Variants in GUCY1A1 observed in about 807,000 individuals in gnomAD.
GUCY1A1 encodes guanylate cyclase soluble subunit alpha-1.
Under a neutral mutation model 64.5 loss-of-function variants are expected in GUCY1A1, and 48 were observed. That is an observed-to-expected ratio of 0.74 (90% CI 0.59 to 0.95). The LOEUF (loss-of-function observed/expected upper bound fraction) is 0.95. Among genes scored for constraint, GUCY1A1 ranks in the 40% least tolerant of loss-of-function variants. The probability of loss-of-function intolerance (pLI) is 0.00; values close to 1 mark genes in which losing one functional copy is unlikely to be tolerated. For synonymous variants in GUCY1A1, 308 were observed against 303.4 expected, an observed-to-expected ratio of 1.02 and a Z score of -0.16; for missense variants, 804 against 825.3, an observed-to-expected ratio of 0.97 and a Z score of 0.32.
intron 2 of GUCY1A1, among the ~76,000 whole-genome samples, chr4:155,690,744 G>A (rs964492303): frequency 6.6e-6 from 1 of 152,132 alleles, no homozygotes; most frequent in Admixed American, 6.5e-5. Context: ...CATTCCCAGA[G>A]CACTATATCC....
chr4:155,716,555 T>G (rs1434464222), intron 7 of GUCY1A1, among the ~76,000 whole-genome samples: 1 of 152,176 alleles, frequency 6.6e-6, no homozygotes, highest in African/African-American at 2.4e-5. Context: ...CACCGTTGTT[T>G]TTACCTGCTG....
chr4:155,712,960 A>G, intron 6 of GUCY1A1, 138 bp from the exon 7 acceptor site: 1 of 662,360 alleles, frequency 1.5e-6, no homozygotes, highest in Non-Finnish European at 2.6e-6. Context: ...GAAAATAGGA[A>G]CTATAAGAAA....
chr4:155,715,776 G>T (rs1230686571), intron 7 of GUCY1A1, among the ~76,000 whole-genome samples: 3 of 152,088 alleles, frequency 2.0e-5, no homozygotes, highest in African/African-American at 7.2e-5. Context: ...TTCATTACTG[G>T]GCACAGGTAA....
intron 8 of GUCY1A1, among the ~76,000 whole-genome samples, chr4:155,721,402 C>T (rs1184610580): frequency 6.6e-6 from 1 of 152,126 alleles, no homozygotes; most frequent in Non-Finnish European, 1.5e-5. Context: ...GATCTTTCAT[C>T]AGTATGGATT....
chr4:155,713,801 G>T (rs1042861495), intron 7 of GUCY1A1, among the ~76,000 whole-genome samples: 7 of 152,148 alleles, frequency 4.6e-5, no homozygotes, highest in South Asian at 2.1e-4. Context: ...GTTCTGGGAG[G>T]ACTGCCACAC....
At chr4:155,724,877 G>A (rs947879580) in intron 9 of GUCY1A1, among the ~76,000 whole-genome samples, 3 of 152,044 alleles carry the variant, frequency 2.0e-5, no homozygotes, top group East Asian at 3.9e-4. Context: ...GAACTGGACC[G>A]AATTAGAATG....
At chr4:155,689,349 G>A (rs968867795) in intron 2 of GUCY1A1, among the ~76,000 whole-genome samples, 2 of 152,028 alleles carry the variant, frequency 1.3e-5, no homozygotes, top group East Asian at 3.9e-4. Flanking sequence ...ATATATTTTA[G>A]GGAAAATTGG....
rs367737101 is a variant in GUCY1A1 at position 155,730,084 on chromosome 4, T to G, written c.1926T>G (p.Leu642=). The change falls in exon 10 of 10, where the codon CTT becomes CTG. Residue 642 remains leucine (L), a synonymous_variant. Coordinates refer to ENST00000506455, the MANE Select transcript of GUCY1A1 (RefSeq NM_001130682.3). Reference sequence around the variant, plus strand: ...TTACCCCTCGATCAAGGGAGGAACTTCCACCAAACTTCCCTAGTGAAATCC... The same window carrying G: ...TTACCCCTCGATCAAGGGAGGAACTGCCACCAAACTTCCCTAGTGAAATCC... ...FVFTPRSREE[L]PPNFPSEIPG... is the part of the protein sequence containing the mutation. 3.1e-6 allele frequency: 5 copies of G among 1,611,206 alleles called. No individual in the cohort carries two copies. The highest frequency in any genetic ancestry group is 4.2e-6 in the Non-Finnish European group (5 of 1,177,852).
At chr4:155,687,085 G>A (rs1194866187) in intron 2 of GUCY1A1, among the ~76,000 whole-genome samples, 5 of 152,004 alleles carry the variant, frequency 3.3e-5, no homozygotes, top group Admixed American at 3.3e-4. Context: ...GAAAAAAATG[G>A]TTTCATAAGT....
intron 2 of GUCY1A1, among the ~76,000 whole-genome samples, chr4:155,676,079 A>G (rs995649726): frequency 6.6e-6 from 1 of 151,450 alleles, no homozygotes; most frequent in African/African-American, 2.5e-5. Flanking sequence ...GTTGCCCAAT[A>G]GCAGTGGTTA....
chr4:155,689,971 G>A (rs1321850371), intron 2 of GUCY1A1, among the ~76,000 whole-genome samples: 19 of 152,188 alleles, frequency 1.2e-4, no homozygotes, highest in Non-Finnish European at 2.1e-4. Flanking sequence ...GATGCAGTCC[G>A]TTAGGAAGGT....
rs1215265316 is a variant in GUCY1A1 at position 155,695,340 on chromosome 4, T to C, written c.-112-1416T>C. ...AACATATTAAGGGCATTGAGGAGCA[T>C]AGAAAATAAAAAAAAAAAACCTAAT... is the stretch of plus-strand genomic sequence containing the variant. On this transcript the variant is annotated intron_variant, in intron 2 of 9. Coordinates refer to ENST00000506455, the MANE Select transcript of GUCY1A1 (RefSeq NM_001130682.3). Among the ~76,000 whole-genome samples the C allele has an allele frequency of 2.0e-5, 3 of 149,974 alleles. No individual in the cohort carries two copies. In the East Asian group the frequency reaches 5.8e-4, roughly 29 times the overall value.
intron 2 of GUCY1A1, among the ~76,000 whole-genome samples, chr4:155,686,597 T>C (rs1447723095): frequency 6.6e-6 from 1 of 152,244 alleles, no homozygotes; most frequent in Non-Finnish European, 1.5e-5. Flanking sequence ...TATGGCATTC[T>C]GGGAAAATAA....
rs1735853736 is a variant in GUCY1A1 at position 155,734,292 on chromosome 4, C to G, written c.*4061C>G. 6.6e-6 allele frequency among the ~76,000 whole-genome samples: 1 copy of G among 151,918 alleles called. No individual in the cohort carries two copies. The highest frequency in any genetic ancestry group is 1.5e-5 in the Non-Finnish European group (1 of 67,916). ...CCCAGATGGAGCTTTACATGCAAAG[C>G]TCCAGTGAAGTCTAGTGCTGTATAA... is the stretch of plus-strand genomic sequence containing the variant. On this transcript the variant is annotated 3_prime_UTR_variant, in exon 10 of 10. Transcript: ENST00000506455.
In GUCY1A1 at chr4:155,713,106, C is replaced by T. The variant is rs760559343; in HGVS notation, c.1095C>T (p.Asp365=). 6.2e-7 allele frequency: 1 copy of T among 1,609,250 alleles called. No individual in the cohort carries two copies. Among genetic ancestry groups the T allele is most frequent in the East Asian group, 2.2e-5 (1 of 44,800 alleles). ...NSVKKSSRVM[D]LKGQMIYIVE... is the part of the protein sequence containing the mutation. ...TATCCTTTCCTTCATAGGTTATGGA[C>T]CTCAAAGGCCAAATGATCTACATTG... The change falls in exon 7 of 10, where the codon GAC becomes GAT. Residue 365 remains aspartate (D), a synonymous_variant. Transcript: ENST00000506455.
intron 5 of GUCY1A1, among the ~76,000 whole-genome samples, chr4:155,709,078 A>T (rs1016231884): frequency 3.3e-5 from 5 of 152,212 alleles, no homozygotes; most frequent in East Asian, 1.9e-4. Flanking sequence ...AAACAAATTT[A>T]AAAAAATGAA....
intron 2 of GUCY1A1, among the ~76,000 whole-genome samples, chr4:155,689,792 G>A (rs149412037): frequency 0.021 from 3,239 of 152,274 alleles, 48 homozygotes; most frequent in Middle Eastern, 0.051. Flanking sequence ...CCGGCGAGTC[G>A]GGGGGCAGGG....
At chr4:155,718,253 A>C (rs1733516745) in intron 8 of GUCY1A1, among the ~76,000 whole-genome samples, 1 of 152,200 alleles carries the variant, frequency 6.6e-6, no homozygotes, top group Non-Finnish European at 1.5e-5. Context: ...TATAAAACAT[A>C]TAGAGAAGAA....
intron 2 of GUCY1A1, among the ~76,000 whole-genome samples, chr4:155,679,266 A>C (rs1023852558): frequency 2.0e-5 from 3 of 151,702 alleles, no homozygotes; most frequent in African/African-American, 7.3e-5. Context: ...TGTAAGTTTT[A>C]TAGTTGTAAC....
Sources: gnomAD v4.1 joint callset for allele counts (sites outside exome capture counted in the v4.1 genomes callset) on GRCh38, gnomAD v4.1.1 for gene constraint, MANE v1.5 for transcripts, NCBI Gene and HGNC (gene_info 2026-07-23, HGNC 2026-07-21) for gene names.